Variants in CCDC192 observed in about 807,000 individuals in gnomAD.
CCDC192 encodes the protein coiled-coil domain containing 192, also known as coiled-coil domain-containing protein 192.
At chr5:127,864,036 A>G (rs1561529378) in intron 5 of CCDC192, among the ~76,000 whole-genome samples, 2 of 152,184 alleles carry the variant, frequency 1.3e-5, no homozygotes, top group African/African-American at 4.8e-5. Context: ...TGTACCAAGG[A>G]TGTATTTCTG....
intron 6 of CCDC192, among the ~76,000 whole-genome samples, chr5:127,911,032 T>C (rs530920680): frequency 7.2e-5 from 11 of 152,354 alleles, no homozygotes; most frequent in Non-Finnish European, 1.3e-4. Context: ...CTTCAAACTT[T>C]GTAAACAATA....
intron 4 of CCDC192, 58 bp downstream of exon 4, chr5:127,797,292 G>T: frequency 2.6e-6 from 1 of 391,044 alleles, no homozygotes; most frequent in South Asian, 1.4e-4. Flanking sequence ...TATATGAATT[G>T]ACAATCCTGG....
intron 5 of CCDC192, among the ~76,000 whole-genome samples, chr5:127,874,853 T>C (rs927845811): frequency 6.6e-6 from 1 of 152,196 alleles, no homozygotes; most frequent in African/African-American, 2.4e-5. Flanking sequence ...AAAGGAACTT[T>C]CGAGTCATGA....
chr5:127,752,936 C>T (rs1754310166), intron 2 of CCDC192, among the ~76,000 whole-genome samples: 1 of 152,224 alleles, frequency 6.6e-6, no homozygotes, highest in African/African-American at 2.4e-5. Flanking sequence ...ACCCCTTGCG[C>T]TTCCCAAGTG....
At position 127,880,718 on chromosome 5, in the gene CCDC192, A is replaced by T. The variant is rs914254631; in HGVS notation, c.535+5057A>T. Among the ~76,000 whole-genome samples, 3 of 152,056 alleles carry T rather than the reference A, an allele frequency of 2.0e-5. No individual in the cohort carries two copies. In the East Asian group the frequency reaches 5.8e-4, roughly 29 times the overall value. Reference sequence around the variant, plus strand: ...GTATAGGCCAGGCACGGTGGCTCACACCTGTAATCCCAGCACTTTGGGAGG... The same window carrying T: ...GTATAGGCCAGGCACGGTGGCTCACTCCTGTAATCCCAGCACTTTGGGAGG... On this transcript the variant is annotated intron_variant, in intron 6 of 6. Coordinates refer to ENST00000514853, the MANE Select transcript of CCDC192 (RefSeq NM_001317938.2).
chr5:127,905,726 C>T (rs894519423), intron 6 of CCDC192, among the ~76,000 whole-genome samples: 9 of 152,022 alleles, frequency 5.9e-5, no homozygotes, highest in African/African-American at 2.2e-4. Context: ...AAAAGTAAGC[C>T]AAAAGCATAG....
chr5:127,849,438 C>A (rs1236638338), intron 5 of CCDC192, among the ~76,000 whole-genome samples: 1 of 152,018 alleles, frequency 6.6e-6, no homozygotes, highest in Admixed American at 6.6e-5. Context: ...GCTTGGCTCA[C>A]CTCTGTTCAA....
chr5:127,926,254 GTT>G (rs1460433481), intron 6 of CCDC192, among the ~76,000 whole-genome samples: 1 of 152,208 alleles, frequency 6.6e-6, no homozygotes, highest in Non-Finnish European at 1.5e-5. Flanking sequence ...CTAGGTTGCA[GTT>G]TGTCCACAAG....
At chr5:127,891,933 C>T (rs542355604) in intron 6 of CCDC192, among the ~76,000 whole-genome samples, 22 of 152,240 alleles carry the variant, frequency 1.4e-4, no homozygotes, top group African/African-American at 5.1e-4. Context: ...ACAAGCTCTT[C>T]GAGGGTATAT....
At chr5:127,855,103 T>G (rs1426234124) in intron 5 of CCDC192, among the ~76,000 whole-genome samples, 1 of 151,996 alleles carries the variant, frequency 6.6e-6, no homozygotes, top group African/African-American at 2.4e-5. Flanking sequence ...TTGGTCAGGG[T>G]GGTGGTGGTG....
At chr5:127,805,301 A>G (rs1440957155) in intron 5 of CCDC192, among the ~76,000 whole-genome samples, 1 of 152,186 alleles carries the variant, frequency 6.6e-6, no homozygotes, top group Admixed American at 6.5e-5. Flanking sequence ...CAGCAGAAGA[A>G]AGTGAGAGTC....
intron 6 of CCDC192, among the ~76,000 whole-genome samples, chr5:127,899,429 GAAC>G (rs1752981054): frequency 6.6e-6 from 1 of 152,110 alleles, no homozygotes; most frequent in African/African-American, 2.4e-5. Context: ...AGAGTTTCTG[GAAC>G]AACATGTGGG....
chr5:127,751,554 C>G lies in CCDC192; in HGVS notation c.115-2714C>G, dbSNP rs562961886. Among the ~76,000 whole-genome samples the G allele has an allele frequency of 2.5e-3, 380 of 152,138 alleles. 1 individual carries two copies. Among genetic ancestry groups the G allele is most frequent in the African/African-American group, 7.5e-3 (310 of 41,486 alleles). ...TCTCTGGCTGCCCTTAACATTTTTT[C>G]CTTCATTTCAACTTTGGTGAATCTG... On this transcript the variant is annotated intron_variant, in intron 2 of 6. Transcript: ENST00000514853.
chr5:127,903,298 A>G (rs1202280526), intron 6 of CCDC192, among the ~76,000 whole-genome samples: 2 of 151,000 alleles, frequency 1.3e-5, no homozygotes, highest in African/African-American at 4.9e-5. Context: ...GCTGGAGTGC[A>G]ATGGCGCAAT....
chr5:127,835,442 C>A (rs1749992700), intron 5 of CCDC192, among the ~76,000 whole-genome samples: 1 of 152,164 alleles, frequency 6.6e-6, no homozygotes, highest in Non-Finnish European at 1.5e-5. Flanking sequence ...CCTTTGCATG[C>A]TGGATGTCTC....
chr5:127,791,439 AG>A (rs745645421), intron 3 of CCDC192, among the ~76,000 whole-genome samples: 14 of 152,360 alleles, frequency 9.2e-5, no homozygotes, highest in Non-Finnish European at 1.6e-4. Flanking sequence ...AAGAAGTTCT[AG>A]GAACTGGTCC....
intron 6 of CCDC192, among the ~76,000 whole-genome samples, chr5:127,899,205 C>T (rs531317989): frequency 3.3e-5 from 5 of 151,916 alleles, no homozygotes; most frequent in Admixed American, 2.0e-4. Context: ...TTCAATAAAG[C>T]GAAAGAAATG....
At chr5:127,805,611 C>T (rs578206333) in intron 5 of CCDC192, among the ~76,000 whole-genome samples, 31 of 152,276 alleles carry the variant, frequency 2.0e-4, no homozygotes, top group South Asian at 6.2e-4. Context: ...TCCTTTCCTG[C>T]GGGCCATTCT....
chr5:127,774,338 A>G (rs1229444938), intron 3 of CCDC192, among the ~76,000 whole-genome samples: 2 of 152,206 alleles, frequency 1.3e-5, no homozygotes, highest in African/African-American at 4.8e-5. Flanking sequence ...ATTCAAGATC[A>G]TGAAGATTTA....
Sources: gnomAD v4.1 joint callset for allele counts (sites outside exome capture counted in the v4.1 genomes callset) on GRCh38, gnomAD v4.1.1 for gene constraint, MANE v1.5 for transcripts, NCBI Gene and HGNC (gene_info 2026-07-23, HGNC 2026-07-21) for gene names.